The following LCLAT1 variants were observed in gnomAD, a reference collection of about 807,000 sequenced individuals.
The protein encoded by LCLAT1 is 1-AGP acyltransferase 8.
A neutral mutation model predicts 30.7 loss-of-function variants in LCLAT1; 11 were observed. The observed-to-expected ratio is 0.36, with a 90% confidence interval of 0.23 to 0.59. The LOEUF (loss-of-function observed/expected upper bound fraction) is 0.59. Among genes scored for constraint, LCLAT1 ranks in the 20% least tolerant of loss-of-function variants. The pLI, the probability that LCLAT1 is intolerant of heterozygous loss-of-function variation, is 0.77. For missense variants in LCLAT1, 402 were observed against 458.6 expected (o/e 0.88, Z 1.13); for synonymous variants, 155 against 151.3 (o/e 1.02, Z -0.18).
At chr2:30,522,468 G>T (rs1403478356) in intron 1 of LCLAT1, among the ~76,000 whole-genome samples, 1 of 152,120 alleles carries the variant, frequency 6.6e-6, no homozygotes, top group East Asian at 1.9e-4. Flanking sequence ...CTTGGAAGAA[G>T]ATAAAGAATA....
intron 5 of LCLAT1, among the ~76,000 whole-genome samples, chr2:30,597,232 G>A (rs908903990): frequency 1.3e-5 from 2 of 151,600 alleles, no homozygotes; most frequent in African/African-American, 4.8e-5. Context: ...ATTGCTTTGG[G>A]CAGTATGGCC....
rs145459348 is a variant in LCLAT1 at position 30,607,415 on chromosome 2, G to T, written c.629-32702G>T. On this transcript the variant is annotated intron_variant, in intron 5 of 5. Coordinates refer to ENST00000379509, the MANE Select transcript of LCLAT1 (RefSeq NM_001002257.3). ...GATATACAGTCATGCAACACATAAT[G>T]ACGTTCTAGTTAGTGGCAAACCACA... 3.9e-5 allele frequency: 6 copies of T among 152,026 alleles called. No individual in the cohort carries two copies. In the East Asian group the frequency reaches 1.2e-3, roughly 29 times the overall value. 9.4% of individuals were successfully genotyped at this position (152,026 alleles called of 1,614,324 possible). A position where few individuals can be genotyped will look rare whatever the true frequency, so the allele number is the denominator to read the frequency against.
chr2:30,494,148 A>T (rs1208111172), intron 1 of LCLAT1, among the ~76,000 whole-genome samples: 3 of 152,202 alleles, frequency 2.0e-5, no homozygotes, highest in Non-Finnish European at 4.4e-5. Flanking sequence ...ACTTGACTCC[A>T]GGAGTTTGAG....
At chr2:30,512,496 G>T (rs1191470228) in intron 1 of LCLAT1, among the ~76,000 whole-genome samples, 2 of 152,104 alleles carry the variant, frequency 1.3e-5, no homozygotes, top group Non-Finnish European at 2.9e-5. Flanking sequence ...GAGATAAAAG[G>T]GTGGATGGAG....
chr2:30,518,038 A>G (rs1685273205), intron 1 of LCLAT1, among the ~76,000 whole-genome samples: 1 of 152,216 alleles, frequency 6.6e-6, no homozygotes, highest in African/African-American at 2.4e-5. Flanking sequence ...CTGCTTTGCT[A>G]GCAGAAGAAA....
At chr2:30,560,582 TA>T (rs1474872016) in intron 3 of LCLAT1, among the ~76,000 whole-genome samples, 2 of 151,898 alleles carry the variant, frequency 1.3e-5, no homozygotes, top group African/African-American at 4.8e-5. Context: ...AGGTGATCCA[TA>T]GCCTCGGCCT....
At chr2:30,488,031 T>A (rs1256162569) in intron 1 of LCLAT1, among the ~76,000 whole-genome samples, 1 of 152,202 alleles carries the variant, frequency 6.6e-6, no homozygotes, top group Non-Finnish European at 1.5e-5. Flanking sequence ...ATGTGTGGAT[T>A]TTATGGTATG....
intron 4 of LCLAT1, among the ~76,000 whole-genome samples, chr2:30,567,752 C>CACT (rs2148448881): frequency 6.6e-6 from 1 of 152,292 alleles, no homozygotes; most frequent in South Asian, 2.1e-4. Flanking sequence ...GACTTTAGAA[C>CACT]ACTAGTTCAC....
At chr2:30,490,119 TCA>T (rs1217966115) in intron 1 of LCLAT1, among the ~76,000 whole-genome samples, 2 of 152,122 alleles carry the variant, frequency 1.3e-5, no homozygotes, top group Non-Finnish European at 2.9e-5. Flanking sequence ...GTTGGAAATT[TCA>T]CAGTTATTAA....
intron 1 of LCLAT1, among the ~76,000 whole-genome samples, chr2:30,498,289 G>C (rs1684212546): frequency 6.6e-6 from 1 of 152,294 alleles, no homozygotes; most frequent in East Asian, 1.9e-4. Context: ...TTAGTGTAAA[G>C]AATTGGAGGC....
In LCLAT1 at chr2:30,522,865, A is replaced by G. The variant is rs567836554; in HGVS notation, c.-4-2722A>G. On this transcript the variant is annotated intron_variant, in intron 1 of 5. Coordinates refer to ENST00000379509, the MANE Select transcript of LCLAT1 (RefSeq NM_001002257.3). ...GCAGAAGAAGCAGTAAGCAGAAAAG[A>G]TTTGATGCTACTAATTTGTTGTGTG... Among the ~76,000 whole-genome samples, 102 of 152,326 alleles carry G rather than the reference A, an allele frequency of 6.7e-4. 1 individual carries two copies. In the South Asian group the frequency reaches 0.012, roughly 17 times the overall value.
At chr2:30,588,879 C>T (rs760467205) in intron 5 of LCLAT1, among the ~76,000 whole-genome samples, 1 of 152,138 alleles carries the variant, frequency 6.6e-6, no homozygotes, top group Non-Finnish European at 1.5e-5. Context: ...GGATTACAGG[C>T]ATGAGCCACA....
intron 4 of LCLAT1, among the ~76,000 whole-genome samples, chr2:30,563,477 A>T (rs910559830): frequency 2.0e-5 from 3 of 152,242 alleles, no homozygotes; most frequent in African/African-American, 7.2e-5. Flanking sequence ...AAAGACTAAA[A>T]TGTACCTTTG....
chr2:30,624,051 GACAA>G (rs1371983005), intron 5 of LCLAT1, among the ~76,000 whole-genome samples: 2 of 152,090 alleles, frequency 1.3e-5, no homozygotes, highest in Non-Finnish European at 2.9e-5. Context: ...GTCTTTTTCA[GACAA>G]ACAAATGCTG....
In LCLAT1 at chr2:30,499,568, G is replaced by A. The variant is rs578120159; in HGVS notation, c.-4-26019G>A. On this transcript the variant is annotated intron_variant, in intron 1 of 5. Transcript: ENST00000379509. ...GTGGTCCAGAAGTTTGCAAGCCAGTGGAGTAAGTTATCTCTAAAGCCTATT... is the reference window on the plus strand; with the variant it reads ...GTGGTCCAGAAGTTTGCAAGCCAGTAGAGTAAGTTATCTCTAAAGCCTATT... 2.0e-5 allele frequency among the ~76,000 whole-genome samples: 3 copies of A among 152,304 alleles called. No individual in the cohort carries two copies. The South Asian group carries it at 6.2e-4, about 32-fold the overall frequency.
At chr2:30,468,042 A>G (rs1433882235) in intron 1 of LCLAT1, among the ~76,000 whole-genome samples, 2 of 152,152 alleles carry the variant, frequency 1.3e-5, no homozygotes, top group African/African-American at 4.8e-5. Context: ...GGTATTGCCT[A>G]GGTTTTCTTC....
intron 5 of LCLAT1, among the ~76,000 whole-genome samples, chr2:30,638,974 T>G (rs969684553): frequency 6.6e-6 from 1 of 152,198 alleles, no homozygotes; most frequent in Non-Finnish European, 1.5e-5. Flanking sequence ...TTGCCCTTGG[T>G]CCTCTCCAAA....
At chr2:30,553,285 T>C (rs1318946721) in intron 3 of LCLAT1, among the ~76,000 whole-genome samples, 1 of 152,194 alleles carries the variant, frequency 6.6e-6, no homozygotes, top group Non-Finnish European at 1.5e-5. Context: ...GGAATGTAAG[T>C]CAAAACTAGG....
At chr2:30,554,805 A>T (rs571320738) in intron 3 of LCLAT1, among the ~76,000 whole-genome samples, 12 of 152,204 alleles carry the variant, frequency 7.9e-5, no homozygotes, top group Non-Finnish European at 1.5e-4. Flanking sequence ...AATTAGTTAG[A>T]TGATCAAGCC....
Sources: gnomAD v4.1 joint callset for allele counts (sites outside exome capture counted in the v4.1 genomes callset) on GRCh38, gnomAD v4.1.1 for gene constraint, MANE v1.5 for transcripts, NCBI Gene and HGNC (gene_info 2026-07-23, HGNC 2026-07-21) for gene names.